CHIT1: variants seen among roughly 807,000 people sequenced by gnomAD.
The protein encoded by CHIT1 is chitinase 1.
In CHIT1, 47 loss-of-function variants were observed where a neutral mutation model predicts 52.0. That is an observed-to-expected ratio of 0.90 (90% confidence interval 0.71 to 1.15). The LOEUF is 1.15. CHIT1 is among the 50% of genes most tolerant of loss of function. CHIT1 has a pLI of 0.00. For missense variants in CHIT1, 569 were observed against 583.0 expected, an observed-to-expected ratio of 0.98 and a Z score of 0.25; for synonymous variants, 242 against 228.2, an observed-to-expected ratio of 1.06 and a Z score of -0.54.
rs1656799953 is a variant in CHIT1 at position 203,223,173 on chromosome 1, G to A, written c.567C>T (p.Thr189=). 1.2e-6 allele frequency: 2 copies of A among 1,614,174 alleles called. No individual in the cohort carries two copies. Among genetic ancestry groups the A allele is most frequent in the Non-Finnish European group, 1.7e-6 (2 of 1,180,034 alleles). ...CCACCTCGTATCCAGCATCCACATAGGTCTGCCCAGCTGGAACCGCTGCAC... is the reference window on the plus strand; with the variant it reads ...CCACCTCGTATCCAGCATCCACATAAGTCTGCCCAGCTGGAACCGCTGCAC... ...LLSAAVPAGQ[T]YVDAGYEVDK... The change falls in exon 6 of 11, where the codon ACC becomes ACT. Residue 189 remains threonine (T), a synonymous_variant. Transcript: ENST00000367229.
chr1:203,225,997 C>G (rs925027680), intron 2 of CHIT1, 127 bp from the exon 3 acceptor site: 18 of 999,582 alleles, frequency 1.8e-5, no homozygotes, highest in Admixed American at 4.0e-5. Context: ...GTGGAGGGAC[C>G]CGACAGGCAG....
At chr1:203,229,361 A>G (rs1657049257) in intron 1 of CHIT1, among the ~76,000 whole-genome samples, 1 of 152,208 alleles carries the variant, frequency 6.6e-6, no homozygotes, top group African/African-American at 2.4e-5. Flanking sequence ...AAGTCAAGTC[A>G]TCTTCAGCCT....
At chr1:203,225,616 TTATC>T (rs1434430288) in intron 3 of CHIT1, 49 bp downstream of exon 3, 1 of 1,570,422 alleles carries the variant, frequency 6.4e-7, no homozygotes, top group Non-Finnish European at 8.8e-7. Context: ...TGGGAGGAGG[TTATC>T]TGTCACCCCA....
intron 2 of CHIT1, among the ~76,000 whole-genome samples, chr1:203,227,150 G>T (rs990017058): frequency 6.6e-6 from 1 of 152,174 alleles, no homozygotes; most frequent in Non-Finnish European, 1.5e-5. Context: ...GGAAGAGACC[G>T]CTCAGGCAGG....
At chr1:203,227,329 A>G (rs1656962753) in intron 2 of CHIT1, among the ~76,000 whole-genome samples, 1 of 152,182 alleles carries the variant, frequency 6.6e-6, no homozygotes, top group Non-Finnish European at 1.5e-5. Context: ...AGGAAAAGAA[A>G]GGAAGGAGGG....
intron 2 of CHIT1, among the ~76,000 whole-genome samples, chr1:203,226,194 G>C (rs1656923233): frequency 6.6e-6 from 1 of 152,246 alleles, no homozygotes; most frequent in African/African-American, 2.4e-5. Flanking sequence ...TAAGAGGGCA[G>C]AGCAGAGGTG....
chr1:203,228,424 T>A, intron 2 of CHIT1, 109 bp downstream of exon 2: 3 of 1,173,566 alleles, frequency 2.6e-6, no homozygotes, highest in Non-Finnish European at 3.7e-6. Flanking sequence ...TGGAAGAGAG[T>A]CCCCACTGAA....
At chr1:203,229,814 C>T, upstream of CHIT1, 1 of 722,258 alleles carries the variant, frequency 1.4e-6, no homozygotes, top group Non-Finnish European at 2.5e-6. Flanking sequence ...ATTGGGCAAA[C>T]TTGACACAAT....
chr1:203,229,651 G>T lies in CHIT1; in HGVS notation c.-15C>A, dbSNP rs377270886. On this transcript the variant is annotated 5_prime_UTR_variant, in exon 1 of 11. Transcript: ENST00000367229. Reference sequence around the variant, plus strand: ...GACCGCACCATGATGCAGCTCAGCGGCAGGCTGCAGCCCATACAAACCAGC... The same window carrying T: ...GACCGCACCATGATGCAGCTCAGCGTCAGGCTGCAGCCCATACAAACCAGC... 1 of 1,613,854 alleles carries T rather than the reference G, an allele frequency of 6.2e-7. No homozygotes were observed. The highest frequency in any genetic ancestry group is 2.2e-5 in the East Asian group (1 of 44,866).
At position 203,223,149 on chromosome 1, in the gene CHIT1, C is replaced by T. The variant is rs1277264073; in HGVS notation, c.591G>A (p.Val197=). The T allele has an allele frequency of 2.5e-6, 4 of 1,614,034 alleles. No homozygotes were observed. In the African/African-American group the frequency reaches 5.3e-5, roughly 22 times the overall value. ...GQTYVDAGYE[V]DKIAQNLDFV... is the part of the protein sequence containing the mutation. ...CTGAGACTCACTGGGCGATTTTGTC[C>T]ACCTCGTATCCAGCATCCACATAGG... The change falls in exon 6 of 11, where the codon GTG becomes GTA. Residue 197 remains valine (V), a synonymous_variant. Transcript: ENST00000367229.
At chr1:203,217,512 C>T in intron 10 of CHIT1, 1 of 1,104,612 alleles carries the variant, frequency 9.1e-7, no homozygotes, top group Non-Finnish European at 1.3e-6. Flanking sequence ...ACGGTTACAA[C>T]AACCCTGGGC....
upstream of CHIT1, chr1:203,229,722 C>T (rs1458455445): frequency 7.8e-6 from 12 of 1,541,698 alleles, no homozygotes; most frequent in Non-Finnish European, 1.1e-5. Context: ...TGTCCCACCC[C>T]AGCCAGGAGT....
At position 203,225,831 on chromosome 1, in the gene CHIT1, G is replaced by T; in HGVS notation, c.95C>A (p.Ala32Asp). Residue 32 changes from alanine (A) to aspartate (D), a missense_variant, in exon 3 of 11, where the codon GCC (alanine) becomes GAC (aspartate). Coordinates refer to ENST00000367229, the MANE Select transcript of CHIT1 (RefSeq NM_003465.3). ...AKLVCYFTNWAQYRQGEARFL... is the reference protein window; with the variant it reads ...AKLVCYFTNWDQYRQGEARFL... ...GCGAGCCTCCCCCTGTCTGTACTGGGCCCAGTTGGTGAAGTAGCAGACCAG... is the reference window on the plus strand; with the variant it reads ...GCGAGCCTCCCCCTGTCTGTACTGGTCCCAGTTGGTGAAGTAGCAGACCAG... The T allele has an allele frequency of 6.2e-7, 1 of 1,614,176 alleles. No homozygotes were observed. Among genetic ancestry groups the T allele is most frequent in the Non-Finnish European group, 8.5e-7 (1 of 1,180,042 alleles).
At chr1:203,227,208 G>C (rs1455768439) in intron 2 of CHIT1, among the ~76,000 whole-genome samples, 1 of 152,178 alleles carries the variant, frequency 6.6e-6, no homozygotes, top group Non-Finnish European at 1.5e-5. Context: ...GGGCATACAC[G>C]TGGCCCCGGA....
Position 203,216,886 on chromosome 1 carries a change from G to C in CHIT1, c.*3C>G. 1 of 1,613,934 alleles carries C rather than the reference G, an allele frequency of 6.2e-7. No individual in the cohort carries two copies. Among genetic ancestry groups the C allele is most frequent in the Non-Finnish European group, 8.5e-7 (1 of 1,180,026 alleles). On this transcript the variant is annotated 3_prime_UTR_variant, in exon 11 of 11. Transcript: ENST00000367229. ...AAGCTGGGACTGGAGGGGCTTTAGC[G>C]ACTCAATTCCAGGTGCAGCATTTGC...
intron 2 of CHIT1, among the ~76,000 whole-genome samples, chr1:203,227,567 GGGA>G (rs1289932166): frequency 6.6e-6 from 1 of 152,186 alleles, no homozygotes; most frequent in Non-Finnish European, 1.5e-5. Flanking sequence ...GTGTGAAACG[GGGA>G]GACCATTGGA....
rs181152219 is a variant in CHIT1, at chr1:203,216,841, T to G, written c.*48A>C. 4 of 1,612,106 alleles carry G rather than the reference T, an allele frequency of 2.5e-6. No individual in the cohort carries two copies. The highest frequency in any genetic ancestry group is 3.4e-6 in the Non-Finnish European group (4 of 1,179,764). ...AAAACCCAGGAGGCAGGCTGTAGAG[T>G]GATCCTGGGCCCAGCCTCAAAGCTG... is the stretch of plus-strand genomic sequence containing the variant. On this transcript the variant is annotated 3_prime_UTR_variant, in exon 11 of 11. Coordinates refer to ENST00000367229, the MANE Select transcript of CHIT1 (RefSeq NM_003465.3).
At chr1:203,220,771 G>A (rs1656705170) in intron 7 of CHIT1, among the ~76,000 whole-genome samples, 1 of 152,192 alleles carries the variant, frequency 6.6e-6, no homozygotes. Flanking sequence ...GCTTTCTGAA[G>A]GCAGAAGTCG....
chr1:203,228,714 T>C (rs2102246869), intron 1 of CHIT1, 152 bp from the exon 2 acceptor site: 3 of 911,844 alleles, frequency 3.3e-6, no homozygotes, highest in Non-Finnish European at 5.2e-6. Context: ...GAGGGCACTG[T>C]GCCCATCCCT....
Sources: allele counts gnomAD v4.1 joint callset (sites outside exome capture counted in the v4.1 genomes callset), GRCh38; gene constraint gnomAD v4.1.1; transcripts MANE v1.5; gene names NCBI Gene and HGNC (gene_info 2026-07-23, HGNC 2026-07-21).